The following NRXN3 variants were observed in gnomAD, a reference collection of about 807,000 sequenced individuals.
NRXN3 encodes neurexin 3, also known as neurexin III.
Under a neutral mutation model 137.6 loss-of-function variants are expected in NRXN3, and 32 were observed. The observed-to-expected ratio is 0.23, with a 90% CI of 0.18 to 0.31. The LOEUF (loss-of-function observed/expected upper bound fraction) is 0.31. NRXN3 is among the 10% of genes least tolerant of loss of function. The pLI, the probability that NRXN3 is intolerant of heterozygous loss-of-function variation, is 1.00. For synonymous variants in NRXN3, 798 were observed against 784.5 expected (o/e 1.02, Z -0.29); for missense variants, 1,574 against 2,062.5 (o/e 0.76, Z 4.59).
intron 4 of NRXN3, among the ~76,000 whole-genome samples, chr14:78,437,937 A>C (rs774883657): frequency 1.3e-5 from 2 of 152,186 alleles, no homozygotes; most frequent in Non-Finnish European, 2.9e-5. Flanking sequence ...GTTATTCTGC[A>C]AACAGACTTA....
chr14:78,590,739 CCTT>C (rs1449296813), intron 4 of NRXN3, among the ~76,000 whole-genome samples: 1 of 152,070 alleles, frequency 6.6e-6, no homozygotes, highest in Non-Finnish European at 1.5e-5. Context: ...CATGGCAAAA[CCTT>C]CTCTCTACTA....
chr14:78,893,227 G>T (rs1034400382), intron 10 of NRXN3, among the ~76,000 whole-genome samples: 4 of 151,942 alleles, frequency 2.6e-5, no homozygotes, highest in African/African-American at 9.7e-5. Context: ...AATTTTCATT[G>T]TGCCTCCCTT....
chr14:79,455,069 C>A (rs1427255619), intron 15 of NRXN3, among the ~76,000 whole-genome samples: 1 of 152,150 alleles, frequency 6.6e-6, no homozygotes, highest in Non-Finnish European at 1.5e-5. Context: ...ATTTCTTAGT[C>A]TGTTTGGGCC....
At chr14:78,838,716 C>T (rs2152433714) in intron 10 of NRXN3, among the ~76,000 whole-genome samples, 1 of 152,132 alleles carries the variant, frequency 6.6e-6, no homozygotes, top group East Asian at 1.9e-4. Flanking sequence ...TCTTTCTTGC[C>T]TAGAAGTTTA....
intron 15 of NRXN3, among the ~76,000 whole-genome samples, chr14:79,445,606 T>A (rs1567148623): frequency 6.6e-6 from 1 of 152,024 alleles, no homozygotes; most frequent in Non-Finnish European, 1.5e-5. Flanking sequence ...AAGAAAAGCT[T>A]TTCAGGAGAT....
intron 4 of NRXN3, among the ~76,000 whole-genome samples, chr14:78,472,117 C>A (rs1862469306): frequency 6.6e-6 from 1 of 152,182 alleles, no homozygotes; most frequent in Non-Finnish European, 1.5e-5. Context: ...AGCAAGATAG[C>A]AAGATCTAGG....
intron 19 of NRXN3, among the ~76,000 whole-genome samples, chr14:79,710,781 C>T (rs1328498195): frequency 6.6e-6 from 1 of 152,114 alleles, no homozygotes; most frequent in Non-Finnish European, 1.5e-5. Flanking sequence ...GACAAAAACC[C>T]TCTTTTCTTA....
At chr14:78,254,820 G>A (rs1351384013) in intron 2 of NRXN3, among the ~76,000 whole-genome samples, 1 of 152,128 alleles carries the variant, frequency 6.6e-6, no homozygotes, top group Non-Finnish European at 1.5e-5. Context: ...AAAAGGCCTA[G>A]TAGTATTTTT....
intron 8 of NRXN3, among the ~76,000 whole-genome samples, chr14:78,776,402 G>C (rs2098745101): frequency 6.6e-6 from 1 of 151,906 alleles, no homozygotes; most frequent in Admixed American, 6.6e-5. Context: ...CCTTCTAAAT[G>C]GTCTCGTAAT....
chr14:79,376,204 GTGT>G (rs2094279617), intron 15 of NRXN3, among the ~76,000 whole-genome samples: 2 of 104,490 alleles, frequency 1.9e-5, no homozygotes, highest in Non-Finnish European at 3.7e-5. Flanking sequence ...GGGTGTGTGT[GTGT>G]GTGTATGTAT....
chr14:78,228,816 G>C (rs2065013254), intron 1 of NRXN3, among the ~76,000 whole-genome samples: 3 of 152,142 alleles, frequency 2.0e-5, no homozygotes, highest in Admixed American at 2.0e-4. Context: ...ATGTACTACA[G>C]GGGAATCTAG....
At chr14:78,333,769 A>T (rs755675124) in intron 4 of NRXN3, among the ~76,000 whole-genome samples, 4 of 151,690 alleles carry the variant, frequency 2.6e-5, no homozygotes, top group Non-Finnish European at 5.9e-5. Context: ...TTCTGTGAGG[A>T]CTCTGGTTTC....
At chr14:78,881,320 A>T (rs557853311) in intron 10 of NRXN3, among the ~76,000 whole-genome samples, 4 of 151,708 alleles carry the variant, frequency 2.6e-5, no homozygotes, top group Non-Finnish European at 5.9e-5. Context: ...ACTGGGTAAC[A>T]TACAGAGGAT....
Position 79,707,334 on chromosome 14 carries a change from A to G in NRXN3, c.4014+9397A>G, listed in dbSNP as rs1484297396. On this transcript the variant is annotated intron_variant, in intron 19 of 20. Transcript: ENST00000335750. ...GGCCAATATAATTTATTTACAAAGT[A>G]GGCAAAGGGAGTTAGGAGGAAGCAG... 3.3e-5 allele frequency among the ~76,000 whole-genome samples: 5 copies of G among 152,202 alleles called. No homozygotes were observed. The East Asian group carries it at 9.6e-4, about 29-fold the overall frequency.
At chr14:78,307,525 C>T (rs1209962098) in intron 4 of NRXN3, among the ~76,000 whole-genome samples, 1 of 152,050 alleles carries the variant, frequency 6.6e-6, no homozygotes, top group African/African-American at 2.4e-5. Context: ...AAATATTGTC[C>T]TCTTGTGAGG....
intron 10 of NRXN3, among the ~76,000 whole-genome samples, chr14:78,953,594 A>G (rs1350619710): frequency 6.6e-6 from 1 of 152,178 alleles, no homozygotes. Flanking sequence ...TAAACACTCT[A>G]TTTTTACAAA....
intron 2 of NRXN3, among the ~76,000 whole-genome samples, chr14:78,244,304 C>A (rs2067375168): frequency 2.0e-5 from 3 of 152,134 alleles, no homozygotes; most frequent in African/African-American, 7.2e-5. Context: ...GTGGCGCACG[C>A]CTGTAGTCAC....
At position 78,197,931 on chromosome 14, in the gene NRXN3, G is replaced by A. The variant is rs553295086; in HGVS notation, c.-704+27257G>A. Among the ~76,000 whole-genome samples, 10 of 152,296 alleles carry A rather than the reference G, an allele frequency of 6.6e-5. No homozygotes were observed. The East Asian group carries it at 1.7e-3, about 26-fold the overall frequency. ...TGATTGAGTCCTGCCTGTATATAAA[G>A]CAATATGAAGCATGGCACATGGTTC... On this transcript the variant is annotated intron_variant, in intron 1 of 20. Transcript: ENST00000335750.
At chr14:79,795,814 G>C (rs938238358) in intron 19 of NRXN3, among the ~76,000 whole-genome samples, 1 of 152,006 alleles carries the variant, frequency 6.6e-6, no homozygotes, top group Non-Finnish European at 1.5e-5. Flanking sequence ...TTCTGGATAA[G>C]TTTTCTGTGC....
Sources: allele counts gnomAD v4.1 joint callset (sites outside exome capture counted in the v4.1 genomes callset), GRCh38; gene constraint gnomAD v4.1.1; transcripts MANE v1.5; gene names NCBI Gene and HGNC (gene_info 2026-07-23, HGNC 2026-07-21).